Variants in PRCP observed in about 807,000 individuals in gnomAD.
PRCP encodes the protein lysosomal Pro-X carboxypeptidase.
Under a neutral mutation model 54.2 loss-of-function variants are expected in PRCP, and 46 were observed. That is an observed-to-expected ratio of 0.85 (90% CI 0.67 to 1.09). PRCP has a LOEUF of 1.09. PRCP is among the 50% of genes least tolerant of loss of function. The pLI, the probability that PRCP is intolerant of heterozygous loss-of-function variation, is 0.00. For synonymous variants in PRCP, 240 were observed against 212.2 expected, an observed-to-expected ratio of 1.13 and a Z score of -1.14; for missense variants, 613 against 596.8, an observed-to-expected ratio of 1.03 and a Z score of -0.28.
At chr11:82,853,113 A>G (rs1042484433) in intron 3 of PRCP, 64 bp downstream of exon 3, 50 of 1,252,206 alleles carry the variant, frequency 4.0e-5, no homozygotes, top group Non-Finnish European at 5.4e-5. Flanking sequence ...GGGGCATATA[A>G]TTTAGAAACT....
chr11:82,890,954 A>T (rs933393651), intron 1 of PRCP, among the ~76,000 whole-genome samples: 1 of 152,230 alleles, frequency 6.6e-6, no homozygotes, highest in African/African-American at 2.4e-5. Flanking sequence ...AGTGTTGAGA[A>T]GATCATCTTT....
chr11:82,829,518 C>A (rs1858325970), intron 8 of PRCP: 2 of 152,212 alleles, frequency 1.3e-5, no homozygotes, highest in Non-Finnish European at 2.9e-5. Flanking sequence ...CTTCCCTGGT[C>A]ACTCTAATAA....
chr11:82,827,672 G>C (rs531030568), intron 8 of PRCP: 1 of 152,224 alleles, frequency 6.6e-6, no homozygotes, highest in East Asian at 1.9e-4. Flanking sequence ...TTTGTAATAA[G>C]TTTGAAATCA....
intron 2 of PRCP, among the ~76,000 whole-genome samples, chr11:82,853,506 T>A (rs1565224576): frequency 6.6e-6 from 1 of 152,228 alleles, no homozygotes; most frequent in Non-Finnish European, 1.5e-5. Context: ...CCCAGGTTGC[T>A]CATCCACTAG....
chr11:82,838,656 G>T, intron 7 of PRCP, 82 bp from the exon 8 acceptor site: 1 of 1,389,750 alleles, frequency 7.2e-7, no homozygotes, highest in Non-Finnish European at 9.8e-7. Flanking sequence ...TCATAATGCT[G>T]GTAAGTAGTG....
chr11:82,900,394 G>A lies in PRCP; in HGVS notation c.9C>T (p.Arg3=), dbSNP rs1172485563. 1 of 1,613,524 alleles carries A rather than the reference G, an allele frequency of 6.2e-7. No homozygotes were observed. The highest frequency in any genetic ancestry group is 1.3e-5 in the African/African-American group (1 of 75,050). MG[R]RALLLLLLSF... ...ACAGAAGCAGGAGCAGGAGGGCTCG[G>A]CGGCCCATGGCTCAGGCTGGAGACT... is the stretch of plus-strand genomic sequence containing the variant. Residue 3 remains arginine, a synonymous_variant, in exon 1 of 9, where the codon CGC becomes CGT. Transcript: ENST00000313010.
At chr11:82,841,268 G>GAAA (rs35181078) in intron 6 of PRCP, among the ~76,000 whole-genome samples, 3 of 141,092 alleles carry the variant, frequency 2.1e-5, no homozygotes, top group Non-Finnish European at 3.1e-5. Flanking sequence ...GCCAGCGGGG[G>GAAA]AAAAAAAAAA....
In PRCP at chr11:82,892,642, GT is replaced by G. The variant is rs1860030456; in HGVS notation, c.168+7592del. Among the ~76,000 whole-genome samples, 3 of 152,216 alleles carry G rather than the reference GT, an allele frequency of 2.0e-5. No homozygotes were observed. In the South Asian group the frequency reaches 6.2e-4, roughly 32 times the overall value. On this transcript the variant is annotated intron_variant, in intron 1 of 8. Transcript: ENST00000313010. ...ACTGAATGATGGTATCAATAAATAAGTTCCTTTTTATCATGTGCTTTAATGT... is the reference window on the plus strand; with the variant it reads ...ACTGAATGATGGTATCAATAAATAAGTCCTTTTTATCATGTGCTTTAATGT...
intron 8 of PRCP, among the ~76,000 whole-genome samples, chr11:82,836,027 G>C (rs1368965080): frequency 6.6e-6 from 1 of 151,546 alleles, no homozygotes; most frequent in Admixed American, 6.6e-5. Context: ...CCCCATCTCT[G>C]CTAAAAATAC....
chr11:82,900,178 A>AG (rs1036756066), intron 1 of PRCP, 57 bp downstream of exon 1: 24 of 1,587,880 alleles, frequency 1.5e-5, no homozygotes, highest in Non-Finnish European at 1.8e-5. Flanking sequence ...CCGGGCTCTG[A>AG]GGGTCAGGGT....
At chr11:82,900,762 A>G (rs1409787602), upstream of PRCP, 1 of 485,866 alleles carries the variant, frequency 2.1e-6, no homozygotes, top group Admixed American at 2.3e-5. Flanking sequence ...CCTGTCCTTC[A>G]GGTCACCCAA....
At chr11:82,848,492 G>T (rs921799826) in intron 6 of PRCP, among the ~76,000 whole-genome samples, 2 of 152,174 alleles carry the variant, frequency 1.3e-5, no homozygotes, top group Non-Finnish European at 2.9e-5. Context: ...CACACAGTTG[G>T]TAAGTGAAGC....
chr11:82,866,326 C>T (rs1859334453), intron 1 of PRCP, among the ~76,000 whole-genome samples: 1 of 152,156 alleles, frequency 6.6e-6, no homozygotes. Context: ...CTCGTCATTG[C>T]CAACCTTAGA....
intron 1 of PRCP, among the ~76,000 whole-genome samples, chr11:82,898,113 A>T (rs1013191358): frequency 6.6e-6 from 1 of 152,252 alleles, no homozygotes; most frequent in African/African-American, 2.4e-5. Context: ...ATTATGCAAT[A>T]AATACATATG....
chr11:82,856,814 C>T (rs552411306), intron 2 of PRCP, among the ~76,000 whole-genome samples: 6 of 151,862 alleles, frequency 4.0e-5, no homozygotes, highest in South Asian at 2.1e-4. Flanking sequence ...TTTGGGAGGC[C>T]GAGGCGGGCG....
chr11:82,874,397 T>G (rs1859551132), intron 1 of PRCP, among the ~76,000 whole-genome samples: 1 of 152,060 alleles, frequency 6.6e-6, no homozygotes, highest in East Asian at 1.9e-4. Flanking sequence ...AGAAACTAAT[T>G]GTACAAGTTT....
At chr11:82,879,091 T>C (rs969243915) in intron 1 of PRCP, among the ~76,000 whole-genome samples, 5 of 152,236 alleles carry the variant, frequency 3.3e-5, no homozygotes, top group African/African-American at 7.2e-5. Context: ...CCTTGCTAGG[T>C]TTGGGAAGTT....
intron 8 of PRCP, among the ~76,000 whole-genome samples, chr11:82,831,671 G>C (rs1858385146): frequency 6.6e-6 from 1 of 151,966 alleles, no homozygotes; most frequent in African/African-American, 2.4e-5. Context: ...CTAAGGAGAG[G>C]CCTGGAAACA....
intron 3 of PRCP, among the ~76,000 whole-genome samples, chr11:82,852,608 T>C (rs1858983469): frequency 6.6e-6 from 1 of 152,194 alleles, no homozygotes; most frequent in Non-Finnish European, 1.5e-5. Context: ...ACAAGTGTAG[T>C]AGTACATGAA....
Sources: allele counts gnomAD v4.1 joint callset (sites outside exome capture counted in the v4.1 genomes callset), GRCh38; gene constraint gnomAD v4.1.1; transcripts MANE v1.5; gene names NCBI Gene and HGNC (gene_info 2026-07-23, HGNC 2026-07-21).